The following PEX1 variants were observed in gnomAD, a reference collection of about 807,000 sequenced individuals.
PEX1 encodes peroxisomal biogenesis factor 1, also known as peroxisomal ATPase PEX1.
In PEX1, 97 loss-of-function variants were observed where a neutral mutation model predicts 152.5. That is an observed-to-expected ratio of 0.64 (90% CI 0.54 to 0.75). The LOEUF (loss-of-function observed/expected upper bound fraction) is 0.75. Among genes scored for constraint, PEX1 ranks in the 30% least tolerant of loss-of-function variants. The pLI is 0.00. For synonymous variants in PEX1, 485 were observed against 531.6 expected (o/e 0.91, Z 1.21); for missense variants, 1,357 against 1,516.3 (o/e 0.89, Z 1.74).
intron 21 of PEX1, among the ~76,000 whole-genome samples, chr7:92,490,686 A>G (rs1338267545): frequency 1.3e-5 from 2 of 151,814 alleles, no homozygotes; most frequent in Non-Finnish European, 2.9e-5. Flanking sequence ...ACAAAAAACC[A>G]GGAAACATAT....
chr7:92,491,058 G>T (rs759167178), intron 21 of PEX1, among the ~76,000 whole-genome samples: 1 of 152,136 alleles, frequency 6.6e-6, no homozygotes, highest in African/African-American at 2.4e-5. Context: ...ACAACCACGC[G>T]CTACTTTGGT....
intron 21 of PEX1, 73 bp from the exon 22 acceptor site, chr7:92,489,984 TA>T: frequency 8.7e-7 from 1 of 1,150,694 alleles, no homozygotes; most frequent in Non-Finnish European, 1.3e-6. Flanking sequence ...TTACCAAATA[TA>T]AAAATTAAAC....
chr7:92,528,454 T>G lies in PEX1; in HGVS notation c.-19A>C. On this transcript the variant is annotated 5_prime_UTR_variant, in exon 1 of 24. Coordinates refer to ENST00000248633, the MANE Select transcript of PEX1 (RefSeq NM_000466.3). ...CCCACATCGTCCCGGAGCGTCGCTC[T>G]GGGTTCGCCCACCCTAGCGCCGCAA... is the stretch of plus-strand genomic sequence containing the variant. 2 of 1,570,952 alleles carry G rather than the reference T, an allele frequency of 1.3e-6. No individual in the cohort carries two copies. The highest frequency in any genetic ancestry group is 1.7e-6 in the Non-Finnish European group (2 of 1,160,724).
chr7:92,521,987 A>G, intron 2 of PEX1, 115 bp downstream of exon 2: 1 of 998,532 alleles, frequency 1.0e-6, no homozygotes, highest in Non-Finnish European at 1.6e-6. Flanking sequence ...ACATAATAGC[A>G]TACAAATTAG....
At chr7:92,502,430 T>C (rs1296162828) in intron 13 of PEX1, among the ~76,000 whole-genome samples, 3 of 152,192 alleles carry the variant, frequency 2.0e-5, no homozygotes, top group African/African-American at 4.8e-5. Context: ...ATAAGAAGCA[T>C]TTTTAGTAAT....
In PEX1 at chr7:92,501,998, G is replaced by C. The variant is rs751076530; in HGVS notation, c.2308C>G (p.Gln770Glu). 6.8e-6 allele frequency: 11 copies of C among 1,612,942 alleles called. No individual in the cohort carries two copies. In the South Asian group the frequency reaches 1.1e-4, roughly 16 times the overall value. The change falls in exon 14 of 24, where the codon CAG (glutamine) becomes GAG (glutamate). Residue 770 changes from glutamine to glutamate, a missense_variant. Transcript: ENST00000248633. ...DINKFTDLDL[Q>E]HVAKETGGFV... ...CCGCCAGTTTCTTTAGCTACATGCT[G>C]CAGGTCAAGATCGGTGAACTTGTTT...
intron 15 of PEX1, among the ~76,000 whole-genome samples, chr7:92,500,551 G>A (rs535850890): frequency 1.3e-5 from 2 of 152,254 alleles, no homozygotes; most frequent in South Asian, 2.1e-4. Flanking sequence ...CCCAGCATCG[G>A]GGTCATGATC....
At chr7:92,510,219 A>G (rs1470787262) in intron 8 of PEX1, among the ~76,000 whole-genome samples, 1 of 151,838 alleles carries the variant, frequency 6.6e-6, no homozygotes, top group African/African-American at 2.4e-5. Flanking sequence ...TAATCCCACA[A>G]CTTTGGGTGG....
At chr7:92,496,645 C>T in intron 17 of PEX1, 68 bp downstream of exon 17, 1 of 1,061,784 alleles carries the variant, frequency 9.4e-7, no homozygotes, top group Non-Finnish European at 1.5e-6. Context: ...AAAACAAGAC[C>T]AAAAAAAGCA....
intron 5 of PEX1, among the ~76,000 whole-genome samples, chr7:92,516,055 A>AAAAAGAAAAAAGAAAAGAAAAGAAAAG (rs1554374886): frequency 7.0e-5 from 6 of 85,748 alleles, no homozygotes; most frequent in African/African-American, 2.7e-4. Flanking sequence ...AGAGAAGAGA[A>AAAAAGAAAAAAGAAAAGAAAAGAAAAG]AAAAGAAAAG....
chr7:92,500,225 A>G (rs1385335786), intron 15 of PEX1, among the ~76,000 whole-genome samples: 2 of 152,220 alleles, frequency 1.3e-5, no homozygotes, highest in African/African-American at 2.4e-5. Context: ...CTATTCAATC[A>G]AAGATAGTAA....
chr7:92,492,590 A>G (rs1475624476), intron 20 of PEX1, among the ~76,000 whole-genome samples: 1 of 152,260 alleles, frequency 6.6e-6, no homozygotes, highest in Non-Finnish European at 1.5e-5. Flanking sequence ...GTGAGCTTCA[A>G]AACAACAACT....
At chr7:92,511,489 T>A in intron 7 of PEX1, 91 bp downstream of exon 7, 1 of 957,378 alleles carries the variant, frequency 1.0e-6, no homozygotes, top group Non-Finnish European at 1.6e-6. Flanking sequence ...ACTATTCACA[T>A]ACTGTTCACA....
rs1445565547 is a variant in PEX1 at position 92,528,340 on chromosome 7, C to T, written c.96G>A (p.Pro32=). The change falls in exon 1 of 24, where the codon CCG becomes CCA. Residue 32 remains proline (P), a synonymous_variant. Coordinates refer to ENST00000248633, the MANE Select transcript of PEX1 (RefSeq NM_000466.3). ...TNARDCFLHL[P]RRLVAQLHLL... is the part of the protein sequence containing the mutation. ...GATGCAGCTGGGCCACGAGACGCCG[C>T]GGCAGGTGGAGGAAGCAGTCGCGAG... The T allele has an allele frequency of 3.1e-5, 49 of 1,571,230 alleles. No homozygotes were observed. In the East Asian group the frequency reaches 1.1e-3, roughly 35 times the overall value.
Position 92,519,078 on chromosome 7 carries a change from C to T in PEX1, c.274G>A (p.Val92Ile). The T allele has an allele frequency of 1.3e-6, 2 of 1,570,240 alleles. No individual in the cohort carries two copies. The highest frequency in any genetic ancestry group is 2.2e-5 in the South Asian group (2 of 89,870). The change falls in exon 3 of 24, where the codon GTA (valine) becomes ATA (isoleucine). Residue 92 changes from valine (V) to isoleucine (I), a missense_variant and splice_region_variant. By Grantham distance (29) the Val-to-Ile change is conservative (BLOSUM62 3). Coordinates refer to ENST00000248633, the MANE Select transcript of PEX1 (RefSeq NM_000466.3). ...ACATGGGAACATGGCTTGAGAAATACCTAGAAAAAATTAAAAATTTAAAAC... is the reference window on the plus strand; with the variant it reads ...ACATGGGAACATGGCTTGAGAAATATCTAGAAAAAATTAAAAATTTAAAAC... ...QKLGLSNGGQ[V>I]FLKPCSHVVS...
chr7:92,497,021 C>T lies in PEX1; in HGVS notation c.2719-244G>A, dbSNP rs73710409. On this transcript the variant is annotated intron_variant, in intron 16 of 23. Transcript: ENST00000248633. ...TTGTTGCTTCATTTTATTTAGATCT[C>T]TGCCCAAATACCACCTCTTCAGAAA... 0.05 allele frequency among the ~76,000 whole-genome samples: 7,626 copies of T among 152,182 alleles called. 656 individuals carry two copies. The highest frequency in any genetic ancestry group is 0.17 in the African/African-American group (7,202 of 41,460).
At chr7:92,502,594 G>T (rs989489352) in intron 13 of PEX1, among the ~76,000 whole-genome samples, 1 of 152,002 alleles carries the variant, frequency 6.6e-6, no homozygotes, top group African/African-American at 2.4e-5. Flanking sequence ...CTAGCACAGG[G>T]TCTGAATATT....
intron 16 of PEX1, among the ~76,000 whole-genome samples, chr7:92,498,223 G>A (rs1382316112): frequency 6.6e-6 from 1 of 152,080 alleles, no homozygotes; most frequent in East Asian, 1.9e-4. Flanking sequence ...ACTAAACTGA[G>A]CTGGGCACGG....
At chr7:92,496,395 C>A (rs1254177833) in intron 17 of PEX1, among the ~76,000 whole-genome samples, 6 of 151,974 alleles carry the variant, frequency 3.9e-5, no homozygotes, top group Admixed American at 6.6e-5. Flanking sequence ...TTAGAACTTA[C>A]AAAATTTAGA....
Sources: allele counts gnomAD v4.1 joint callset (sites outside exome capture counted in the v4.1 genomes callset), GRCh38; gene constraint gnomAD v4.1.1; transcripts MANE v1.5; gene names NCBI Gene and HGNC (gene_info 2026-07-23, HGNC 2026-07-21).